Variants in NUDT18 observed in about 807,000 individuals in gnomAD.
NUDT18 encodes 8-oxo-dGDP phosphatase NUDT18.
A neutral mutation model predicts 27.6 loss-of-function variants in NUDT18; 26 were observed. The ratio of observed to expected loss-of-function variants is 0.94; its 90% CI spans 0.69 to 1.31. NUDT18 has a LOEUF of 1.31. Among genes scored for constraint, NUDT18 ranks in the 50% most tolerant of loss-of-function variants. The pLI is 0.00. For missense variants in NUDT18, 450 were observed against 433.4 expected, an observed-to-expected ratio of 1.04 and a Z score of -0.34; for synonymous variants, 220 against 196.9, an observed-to-expected ratio of 1.12 and a Z score of -0.98.
chr8:22,108,630 G>A (rs540586606), intron 1 of NUDT18, among the ~76,000 whole-genome samples: 1 of 152,226 alleles, frequency 6.6e-6, no homozygotes, highest in Non-Finnish European at 1.5e-5. Flanking sequence ...GTCACCATGT[G>A]TCTGTCTGTC....
upstream of NUDT18, chr8:22,109,420 A>AACGCGGAAGCGC: frequency 2.6e-6 from 1 of 384,516 alleles, no homozygotes; most frequent in Non-Finnish European, 3.9e-6. Context: ...AGCTCACGAG[A>AACGCGGAAGCGC]ACGCGGAAGC....
At position 22,109,389 on chromosome 8, in the gene NUDT18, T is replaced by TCCCTGCGGAGACCGCTCCCAGA; in HGVS notation, c.-90_-89insTCTGGGAGCGGTCTCCGCAGGG. On this transcript the variant is annotated 5_prime_UTR_variant, in exon 1 of 3. Coordinates refer to ENST00000611621, the MANE Select transcript of NUDT18 (RefSeq NM_024815.4). ...AGTGCGCTGCGGAGCCCGCTCCCAGTCCCTGCGGCAGCGGGCCGGGAGCTC... is the reference window on the plus strand; with the variant it reads ...AGTGCGCTGCGGAGCCCGCTCCCAGTCCCTGCGGAGACCGCTCCCAGACCCTGCGGCAGCGGGCCGGGAGCTC... 2 of 1,233,396 alleles carry TCCCTGCGGAGACCGCTCCCAGA rather than the reference T, an allele frequency of 1.6e-6. No homozygotes were observed. Among genetic ancestry groups the TCCCTGCGGAGACCGCTCCCAGA allele is most frequent in the Non-Finnish European group, 2.1e-6 (2 of 959,470 alleles). The allele number at this position is 1,233,396 out of a possible 1,614,324, so 76.4% of individuals were successfully genotyped here.
rs779035520 is a variant in NUDT18, at chr8:22,107,579, C to G, written c.693G>C (p.Lys231Asn). ...LDPMEQRGGMKMAVLRLLQEC... is the reference protein window; with the variant it reads ...LDPMEQRGGMNMAVLRLLQEC... ...CCTGCAGCAGCCGCAGGACGGCCATCTTCATGCCACCCCTCTGCTCCATAG... is the reference window on the plus strand; with the variant it reads ...CCTGCAGCAGCCGCAGGACGGCCATGTTCATGCCACCCCTCTGCTCCATAG... The change falls in exon 3 of 3, where the codon AAG (lysine) becomes AAC (asparagine). Residue 231 changes from lysine (K) to asparagine (N), a missense_variant. By Grantham distance (94) the Lys-to-Asn change is moderately conservative. Coordinates refer to ENST00000611621, the MANE Select transcript of NUDT18 (RefSeq NM_024815.4). 7.6e-5 allele frequency: 122 copies of G among 1,613,094 alleles called. No individual in the cohort carries two copies. The highest frequency in any genetic ancestry group is 3.0e-4 in the Admixed American group (18 of 60,008).
At chr8:22,110,248 C>T (rs1826448593), upstream of NUDT18, among the ~76,000 whole-genome samples, 1 of 152,278 alleles carries the variant, frequency 6.6e-6, no homozygotes, top group Non-Finnish European at 1.5e-5. Context: ...GTCACCCTCC[C>T]ACCCAGCGTG....
intron 1 of NUDT18, 115 bp from the exon 2 acceptor site, chr8:22,108,461 GCTAGCGCTCC>G: frequency 2.3e-6 from 2 of 878,106 alleles, no homozygotes; most frequent in Non-Finnish European, 3.5e-6. Context: ...TCTCAACCCA[GCTAGCGCTCC>G]AGGAGACCTG....
chr8:22,110,213 G>A (rs1167384282), upstream of NUDT18, among the ~76,000 whole-genome samples: 1 of 152,222 alleles, frequency 6.6e-6, no homozygotes, highest in Non-Finnish European at 1.5e-5. Flanking sequence ...GGGCGGGGGT[G>A]GGGCCCTGCT....
In NUDT18 at chr8:22,108,280, TC is replaced by T; in HGVS notation, c.228del (p.Arg77GlufsTer16). On this transcript the variant is annotated frameshift_variant, in exon 2 of 3. Transcript: ENST00000611621. LOFTEE classifies it high-confidence loss of function. ...ACGATGGTCTCCCCTGGCTCCATTC[TC>T]CCCGCAGGCAGGTACCACGACCCCC... ...ECRGSWYLPA[G>X]RMEPGETIVE... 2 of 1,595,386 alleles carry T rather than the reference TC, an allele frequency of 1.3e-6. No homozygotes were observed. Among genetic ancestry groups the T allele is most frequent in the East Asian group, 2.3e-5 (1 of 43,836 alleles).
In NUDT18 at chr8:22,107,913, G is replaced by A. The variant is rs543980394; in HGVS notation, c.377-18C>T. ...AATTCCACCTGGGGGAGATGTGGGG[G>A]ATGGGGCAGGGAGGGTCTGTGTGGA... On this transcript the variant is annotated intron_variant, in intron 2 of 2. Transcript: ENST00000611621. 34 of 1,549,174 alleles carry A rather than the reference G, an allele frequency of 2.2e-5. No homozygotes were observed. In the South Asian group the frequency reaches 3.5e-4, roughly 16 times the overall value.
At chr8:22,107,981 A>C (rs886830041) in intron 2 of NUDT18, 86 bp from the exon 3 acceptor site, 38 of 1,367,622 alleles carry the variant, frequency 2.8e-5, no homozygotes, top group Non-Finnish European at 3.4e-5. Flanking sequence ...TCCCTGACCC[A>C]GGAGAGAGGC....
chr8:22,109,881 A>G (rs1826443134), upstream of NUDT18: 1 of 387,334 alleles, frequency 2.6e-6, no homozygotes, highest in Non-Finnish European at 5.3e-6. Context: ...ATTCCACCAA[A>G]GAGTTATAAA....
At chr8:22,109,017 C>G in intron 1 of NUDT18, 122 bp downstream of exon 1, 1 of 697,040 alleles carries the variant, frequency 1.4e-6, no homozygotes, top group Non-Finnish European at 2.1e-6. Flanking sequence ...AGTGGGAGTG[C>G]TTTGCAAAAC....
At chr8:22,108,390 C>T (rs1306159754) in intron 1 of NUDT18, 44 bp from the exon 2 acceptor site, 4 of 1,507,730 alleles carry the variant, frequency 2.7e-6, no homozygotes, top group Non-Finnish European at 2.7e-6. Flanking sequence ...AGCCTTCCCT[C>T]GCCCCGGGAC....
chr8:22,108,380 A>G lies in NUDT18; in HGVS notation c.163-34T>C, dbSNP rs1454000408. The G allele has an allele frequency of 5.9e-6, 9 of 1,531,530 alleles. No homozygotes were observed. In the South Asian group the frequency reaches 7.2e-5, roughly 12 times the overall value. 94.9% of individuals were successfully genotyped at this position (1,531,530 alleles called of 1,614,324 possible). ...AGAGAGGATCCTCACTTCCTGCCAC[A>G]GCCTTCCCTCGCCCCGGGACCAGGG... On this transcript the variant is annotated intron_variant, in intron 1 of 2. Transcript: ENST00000611621.
chr8:22,109,869 T>C, upstream of NUDT18: 1 of 399,488 alleles, frequency 2.5e-6, no homozygotes, highest in Non-Finnish European at 5.1e-6. Flanking sequence ...ACCTTTCTTC[T>C]CATTCCACCA....
At position 22,107,742 on chromosome 8, in the gene NUDT18, A is replaced by G. The variant is rs1826392334; in HGVS notation, c.530T>C (p.Leu177Pro). The change falls in exon 3 of 3, where the codon CTC (leucine) becomes CCC (proline). Residue 177 changes from leucine to proline, a missense_variant. Leu to Pro is a moderately conservative substitution (Grantham distance 98). Coordinates refer to ENST00000611621, the MANE Select transcript of NUDT18 (RefSeq NM_024815.4). Reference protein sequence around the residue: ...AQYRQQARHPLILPQELPCDL... With the variant: ...AQYRQQARHPPILPQELPCDL... ...ACAGGGTAGCTCTTGGGGCAGAATG[A>G]GAGGGTGCCTGGCTTGCTGGCGATA... The G allele has an allele frequency of 2.5e-5, 40 of 1,613,614 alleles. No homozygotes were observed. The highest frequency in any genetic ancestry group is 3.4e-5 in the Non-Finnish European group (40 of 1,179,864).
At position 22,109,369 on chromosome 8, in the gene NUDT18, G is replaced by GCTTCGGAGCCCGCTCCCAGTCC; in HGVS notation, c.-70_-69insGGACTGGGAGCGGGCTCCGAAG. ...TGAGCCGAGCCGCGGGCTAGAGTGC[G>GCTTCGGAGCCCGCTCCCAGTCC]CTGCGGAGCCCGCTCCCAGTCCCTG... On this transcript the variant is annotated 5_prime_UTR_variant, in exon 1 of 3. Coordinates refer to ENST00000611621, the MANE Select transcript of NUDT18 (RefSeq NM_024815.4). 1.4e-6 allele frequency: 1 copy of GCTTCGGAGCCCGCTCCCAGTCC among 712,746 alleles called. No individual in the cohort carries two copies. The highest frequency in any genetic ancestry group is 1.8e-6 in the Non-Finnish European group (1 of 557,186). The allele number at this position is 712,746 out of a possible 1,614,324, so 44.2% of individuals were successfully genotyped here.
upstream of NUDT18, chr8:22,109,429 G>A (rs1186001486): frequency 1.1e-6 from 1 of 885,078 alleles, no homozygotes; most frequent in Non-Finnish European, 1.5e-6. Context: ...GAACGCGGAA[G>A]CGCACGCGAA....
intron 2 of NUDT18, 67 bp downstream of exon 2, chr8:22,108,066 C>T (rs1586359713): frequency 7.0e-7 from 1 of 1,423,168 alleles, no homozygotes; most frequent in East Asian, 2.5e-5. Flanking sequence ...GAGGGGCTCA[C>T]CTCACCGAGG....
chr8:22,109,126 G>A lies in NUDT18; in HGVS notation c.162+13C>T. 1 of 1,409,454 alleles carries A rather than the reference G, an allele frequency of 7.1e-7. No homozygotes were observed. The highest frequency in any genetic ancestry group is 9.1e-7 in the Non-Finnish European group (1 of 1,093,246). The allele number at this position is 1,409,454 out of a possible 1,614,324, so 87.3% of individuals were successfully genotyped here. On this transcript the variant is annotated intron_variant, in intron 1 of 2. Transcript: ENST00000611621. ...GCTCCCGAGGCCCGGCGGGCCCGGG[G>A]GCGGCCGCTCACCTGCTCGCTGAGG...
Sources: allele counts gnomAD v4.1 joint callset (sites outside exome capture counted in the v4.1 genomes callset), GRCh38; gene constraint gnomAD v4.1.1; transcripts MANE v1.5; gene names NCBI Gene and HGNC (gene_info 2026-07-23, HGNC 2026-07-21).